The following KHDRBS2 variants were observed in gnomAD, a reference collection of about 807,000 sequenced individuals.
KHDRBS2 encodes KH domain-containing, RNA-binding, signal transduction-associated protein 2.
A neutral mutation model predicts 44.3 loss-of-function variants in KHDRBS2; 26 were observed. The observed-to-expected ratio is 0.59, with a 90% CI of 0.43 to 0.81. The LOEUF (loss-of-function observed/expected upper bound fraction) is 0.81. Among genes scored for constraint, KHDRBS2 ranks in the 40% least tolerant of loss-of-function variants. The pLI is 0.00. For missense variants in KHDRBS2, 476 were observed against 433.1 expected (o/e 1.10, Z -0.88); for synonymous variants, 194 against 151.1 (o/e 1.28, Z -2.08).
chr6:61,554,215 G>T, the KHDRBS2 span, among the ~76,000 whole-genome samples: 2 of 152,036 alleles, frequency 1.3e-5, no homozygotes, highest in Admixed American at 1.3e-4. Context: ...GGATAGTTAG[G>T]TCTTCTTGTT....
At position 61,945,108 on chromosome 6, in the gene KHDRBS2, AAAAAGTATATATATATATAT is replaced by A. The variant is rs1431813102; in HGVS notation, c.483+32938_483+32957del. Among the ~76,000 whole-genome samples the A allele has an allele frequency of 2.7e-4, 15 of 54,996 alleles. 3 individuals carry two copies. Among genetic ancestry groups the A allele is most frequent in the Non-Finnish European group, 4.5e-4 (15 of 33,116 alleles). The allele number at this position is 54,996 out of a possible 152,430, so 36.1% of individuals were successfully genotyped here. A position where few individuals can be genotyped will look rare whatever the true frequency, so the allele number is the denominator to read the frequency against. On this transcript the variant is annotated intron_variant, in intron 4 of 8. Coordinates refer to ENST00000281156, the MANE Select transcript of KHDRBS2 (RefSeq NM_152688.4). ...TCTGTCTTAAAAAAAAAAAAAAAAAAAAAAGTATATATATATATATATATATATATATATATATATATACA... is the reference window on the plus strand; with the variant it reads ...TCTGTCTTAAAAAAAAAAAAAAAAAAATATATATATATATATATATATACA...
chr6:61,824,975 A>C (rs1790603447), intron 6 of KHDRBS2, among the ~76,000 whole-genome samples: 1 of 152,164 alleles, frequency 6.6e-6, no homozygotes, highest in African/African-American at 2.4e-5. Flanking sequence ...AAACTGGGAA[A>C]ATTCCTATGC....
intron 4 of KHDRBS2, among the ~76,000 whole-genome samples, chr6:61,966,915 C>A (rs527291806): frequency 6.6e-6 from 1 of 151,528 alleles, no homozygotes; most frequent in East Asian, 1.9e-4. Context: ...ATTTATAATC[C>A]TAAAAATGAG....
At chr6:62,052,842 C>T (rs1253464853) in intron 2 of KHDRBS2, among the ~76,000 whole-genome samples, 4 of 151,972 alleles carry the variant, frequency 2.6e-5, no homozygotes, top group Admixed American at 2.0e-4. Context: ...CTGCTGACCT[C>T]CTGCTATGCG....
chr6:61,749,592 T>C (rs1777368109), intron 6 of KHDRBS2, among the ~76,000 whole-genome samples: 1 of 152,200 alleles, frequency 6.6e-6, no homozygotes, highest in African/African-American at 2.4e-5. Flanking sequence ...TGATTTTCTC[T>C]TTTGTGATTT....
intron 4 of KHDRBS2, among the ~76,000 whole-genome samples, chr6:61,942,401 A>T (rs1583633436): frequency 6.6e-6 from 1 of 152,276 alleles, no homozygotes; most frequent in Non-Finnish European, 1.5e-5. Flanking sequence ...AGAACAAAAC[A>T]AAAATTCTGC....
the KHDRBS2 span, among the ~76,000 whole-genome samples, chr6:61,653,277 T>C: frequency 6.6e-6 from 1 of 152,136 alleles, no homozygotes; most frequent in African/African-American, 2.4e-5. Context: ...AGTGCCTGTT[T>C]ACCTTATGTA....
Position 62,086,622 on chromosome 6 carries a change from T to C in KHDRBS2, c.220-38628A>G, listed in dbSNP as rs114376010. Among the ~76,000 whole-genome samples, 160 of 152,208 alleles carry C rather than the reference T, an allele frequency of 1.1e-3. 1 individual carries two copies. The highest frequency in any genetic ancestry group is 3.6e-3 in the African/African-American group (149 of 41,532). On this transcript the variant is annotated intron_variant, in intron 2 of 8. Coordinates refer to ENST00000281156, the MANE Select transcript of KHDRBS2 (RefSeq NM_152688.4). ...TTGAACCACACAACATAAATGATGG[T>C]AATCTGTCTTTTATTAGCATCTGTT...
At chr6:61,856,944 T>C (rs1168716556) in intron 6 of KHDRBS2, among the ~76,000 whole-genome samples, 1 of 152,074 alleles carries the variant, frequency 6.6e-6, no homozygotes, top group Non-Finnish European at 1.5e-5. Context: ...GTCCAGAAAA[T>C]GAGAACAGTT....
At chr6:61,592,525 A>C in the KHDRBS2 span, among the ~76,000 whole-genome samples, 2 of 152,152 alleles carry the variant, frequency 1.3e-5, no homozygotes, top group Admixed American at 1.3e-4. Flanking sequence ...GGCCTGAGAG[A>C]AACTTGGTAG....
the KHDRBS2 span, among the ~76,000 whole-genome samples, chr6:61,623,459 C>T: frequency 1.3e-5 from 2 of 152,170 alleles, no homozygotes; most frequent in African/African-American, 4.8e-5. Flanking sequence ...GAAACAGCTC[C>T]TGCTGTGTTG....
chr6:61,694,419 A>G lies in KHDRBS2; in HGVS notation c.952+2776T>C, dbSNP rs9444133. Among the ~76,000 whole-genome samples, 1,283 of 152,312 alleles carry G rather than the reference A, an allele frequency of 8.4e-3. 16 individuals are homozygous for G. The highest frequency in any genetic ancestry group is 0.029 in the African/African-American group (1,224 of 41,582). On this transcript the variant is annotated intron_variant, in intron 8 of 8. Coordinates refer to ENST00000281156, the MANE Select transcript of KHDRBS2 (RefSeq NM_152688.4). The stretch of plus-strand genomic sequence containing the variant: ...AGGGACAATGTCCACCCTGTACATC[A>G]TCATGTTCTCAGAGACTAGTGATAC...
chr6:61,803,095 T>C (rs922944010), intron 6 of KHDRBS2, among the ~76,000 whole-genome samples: 2 of 152,210 alleles, frequency 1.3e-5, no homozygotes, highest in Admixed American at 6.6e-5. Flanking sequence ...AGATTCAAAA[T>C]GTATTTTCTG....
intron 1 of KHDRBS2, among the ~76,000 whole-genome samples, chr6:62,222,092 T>C (rs1016340634): frequency 6.6e-6 from 1 of 152,064 alleles, no homozygotes; most frequent in African/African-American, 2.4e-5. Context: ...AATTAGAAAA[T>C]ATTTTAAGCT....
At chr6:61,560,333 TG>T in the KHDRBS2 span, among the ~76,000 whole-genome samples, 1 of 152,180 alleles carries the variant, frequency 6.6e-6, no homozygotes, top group Non-Finnish European at 1.5e-5. Context: ...TTCCTTGTAC[TG>T]GAATACTGAT....
chr6:62,243,077 C>T lies in KHDRBS2; in HGVS notation c.91+42781G>A, dbSNP rs1281828722. On this transcript the variant is annotated intron_variant, in intron 1 of 8. Transcript: ENST00000281156. ...GCCACACAGTGGCCTAACTACAGGG[C>T]TCAGTGTTACCTGTTTGAGCACAAT... Among the ~76,000 whole-genome samples the T allele has an allele frequency of 5.9e-5, 9 of 152,256 alleles. No individual in the cohort carries two copies. In the East Asian group the frequency reaches 1.7e-3, roughly 29 times the overall value.
chr6:61,831,989 C>T (rs751849843), intron 6 of KHDRBS2, among the ~76,000 whole-genome samples: 11 of 151,876 alleles, frequency 7.2e-5, no homozygotes, highest in Non-Finnish European at 1.6e-4. Context: ...GCCTGTAATC[C>T]CAGAATTTTG....
At chr6:61,931,378 C>A (rs1810013012) in intron 4 of KHDRBS2, among the ~76,000 whole-genome samples, 1 of 151,562 alleles carries the variant, frequency 6.6e-6, no homozygotes, top group African/African-American at 2.4e-5. Context: ...CCAAAAGAAA[C>A]TAAAGAAACC....
rs67482871 is a variant in KHDRBS2 at position 62,213,873 on chromosome 6, C to CAA, written c.92-36563_92-36562dup. The stretch of plus-strand genomic sequence containing the variant: ...TGGGTGACAGAGCGAGACTCCATCT[C>CAA]AAAAAAAAAAAAAAAAAAAAAAAAA... On this transcript the variant is annotated intron_variant, in intron 1 of 8. Transcript: ENST00000281156. 1.3e-3 allele frequency among the ~76,000 whole-genome samples: 55 copies of CAA among 41,498 alleles called. 5 individuals carry two copies. Among genetic ancestry groups the CAA allele is most frequent in the Non-Finnish European group, 1.7e-3 (41 of 24,610 alleles). 27.2% of individuals were successfully genotyped at this position (41,498 alleles called of 152,430 possible). A position where few individuals can be genotyped will look rare whatever the true frequency, so the allele number is the denominator to read the frequency against.
Sources: gnomAD v4.1 joint callset for allele counts (sites outside exome capture counted in the v4.1 genomes callset) on GRCh38, gnomAD v4.1.1 for gene constraint, MANE v1.5 for transcripts, NCBI Gene and HGNC (gene_info 2026-07-23, HGNC 2026-07-21) for gene names.